The following CDAN1 variants were observed in gnomAD, a reference collection of about 807,000 sequenced individuals.
The protein encoded by CDAN1 is codanin-1.
Under a neutral mutation model 139.8 loss-of-function variants are expected in CDAN1, and 107 were observed. That is an observed-to-expected ratio of 0.77 (90% CI 0.65 to 0.90). The LOEUF (loss-of-function observed/expected upper bound fraction) is 0.90, where lower values mean the gene tolerates loss of function less well. Ranked by LOEUF, CDAN1 falls within the 40% of genes least tolerant of loss-of-function variation. The pLI is 0.00. For missense variants in CDAN1, 1,667 were observed against 1,575.7 expected (o/e 1.06, Z -0.98); for synonymous variants, 776 against 660.6 (o/e 1.17, Z -2.68).
At chr15:42,729,173 T>TCCCCCCCCCCC in intron 18 of CDAN1, 47 bp from the exon 19 acceptor site, 2 of 1,595,148 alleles carry the variant, frequency 1.3e-6, no homozygotes, top group Non-Finnish European at 1.7e-6. Flanking sequence ...AGCCTCCCTG[T>TCCCCCCCCCCC]CCCCGCCCCC....
chr15:42,735,971 G>A lies in CDAN1; in HGVS notation c.677C>T (p.Ser226Phe). Residue 226 changes from serine to phenylalanine, a missense_variant, in exon 3 of 28, where the codon TCC (serine) becomes TTC (phenylalanine). Physicochemically the swap from Ser to Phe is radical, Grantham distance 155 (BLOSUM62 -2). Coordinates refer to ENST00000356231, the MANE Select transcript of CDAN1 (RefSeq NM_138477.4). ...GCTAGTGTCCAGGGCTGAGGGTTGG[G>A]AACTGGGGACACAGCTGATTGGGGG... ...TSPPISCVPS[S>F]QPSALDTSPW... 4 of 1,614,196 alleles carry A rather than the reference G, an allele frequency of 2.5e-6. No individual in the cohort carries two copies. The highest frequency in any genetic ancestry group is 3.4e-6 in the Non-Finnish European group (4 of 1,180,014).
Position 42,737,080 on chromosome 15 carries a change from A to AC in CDAN1, c.22_23insG (p.Leu8ArgfsTer25). On this transcript the variant is annotated frameshift_variant, in exon 1 of 28. Transcript: ENST00000356231. LOFTEE classifies it high-confidence loss of function. Reference sequence around the variant, plus strand: ...TGCGACCGACACCTCTTCTCGCAGCAGCGACTCCAAAACGGCCGCCATCCC... The same window carrying AC: ...TGCGACCGACACCTCTTCTCGCAGCACGCGACTCCAAAACGGCCGCCATCCC... The AC allele has an allele frequency of 6.5e-7, 1 of 1,527,080 alleles. No homozygotes were observed. Among genetic ancestry groups the AC allele is most frequent in the Non-Finnish European group, 8.8e-7 (1 of 1,135,320 alleles). 94.6% of individuals were successfully genotyped at this position (1,527,080 alleles called of 1,614,324 possible). A position where few individuals can be genotyped will look rare whatever the true frequency, so the allele number is the denominator to read the frequency against.
chr15:42,733,013 C>CGGG, intron 9 of CDAN1, 84 bp downstream of exon 9: 2 of 1,079,734 alleles, frequency 1.9e-6, no homozygotes, highest in Non-Finnish European at 2.9e-6. Context: ...CGGGGAAAAC[C>CGGG]TTCCCTCCTC....
Position 42,730,345 on chromosome 15 carries a change from C to A in CDAN1, c.2175-130G>T, listed in dbSNP as rs954628693. 8.4e-6 allele frequency: 8 copies of A among 948,836 alleles called. No individual in the cohort carries two copies. In the East Asian group the frequency reaches 1.7e-4, roughly 20 times the overall value. The allele number at this position is 948,836 out of a possible 1,614,324, so 58.8% of individuals were successfully genotyped here. On this transcript the variant is annotated intron_variant, in intron 14 of 27. Transcript: ENST00000356231. ...CTGGGGCCATGTTGGCAAGCAGGAT[C>A]CCCCCAGCCCCGCCTCCTGCATGGG... is the stretch of plus-strand genomic sequence containing the variant.
At position 42,727,970 on chromosome 15, in the gene CDAN1, A is replaced by C; in HGVS notation, c.2932T>G (p.Ser978Ala). Residue 978 changes from serine (S) to alanine (A), a missense_variant, in exon 22 of 28, where the codon TCA becomes GCA. Ser to Ala is a moderately conservative substitution (Grantham distance 99). Transcript: ENST00000356231. ...AGGACCTTACCTGTGATGTTGGCTG[A>C]CAGCCAAGCACAGGCTTTCTCTGTT... is the stretch of plus-strand genomic sequence containing the variant. ...LATEKACAWLSANITALIRRE... is the reference protein window; with the variant it reads ...LATEKACAWLAANITALIRRE... The C allele has an allele frequency of 6.2e-7, 1 of 1,614,066 alleles. No homozygotes were observed. Among genetic ancestry groups the C allele is most frequent in the South Asian group, 1.1e-5 (1 of 91,080 alleles).
chr15:42,731,473 A>G, intron 11 of CDAN1, 142 bp from the exon 12 acceptor site: 1 of 1,404,960 alleles, frequency 7.1e-7, no homozygotes. Context: ...CGTGGGTGAC[A>G]GAATGAGAAG....
intron 25 of CDAN1, 64 bp from the exon 26 acceptor site, chr15:42,725,734 T>C: frequency 6.5e-7 from 1 of 1,542,584 alleles, no homozygotes. Context: ...GACTCACACC[T>C]ATAATCCCAA....
chr15:42,729,883 A>C lies in CDAN1; in HGVS notation c.2265T>G (p.Ile755Met). Residue 755 changes from isoleucine (I) to methionine (M), a missense_variant and splice_region_variant, in exon 16 of 28, where the codon ATT becomes ATG. Ile to Met is a conservative substitution (Grantham distance 10). Around this residue, in one of 3 missense-constraint regions of CDAN1, gnomAD observed 936 missense variants for 844.1 expected, o/e 1.11. Coordinates refer to ENST00000356231, the MANE Select transcript of CDAN1 (RefSeq NM_138477.4). Reference sequence around the variant, plus strand: ...AGAACAAGTCCTCAGGGACTGTGGGAATCTGGCAAGACAGTCACAATTCAG... The same window carrying C: ...AGAACAAGTCCTCAGGGACTGTGGGCATCTGGCAAGACAGTCACAATTCAG... Reference protein sequence around the residue: ...LLAVLGWLFQIPTVPEDLFFL... With the variant: ...LLAVLGWLFQMPTVPEDLFFL... 6.2e-7 allele frequency: 1 copy of C among 1,612,348 alleles called. No homozygotes were observed. The highest frequency in any genetic ancestry group is 8.5e-7 in the Non-Finnish European group (1 of 1,179,260).
intron 20 of CDAN1, 134 bp downstream of exon 20, chr15:42,728,518 T>C: frequency 4.5e-6 from 6 of 1,322,722 alleles, no homozygotes; most frequent in South Asian, 3.6e-5. Context: ...GCAGGGCTTA[T>C]AGAGAATGGG....
At position 42,727,683 on chromosome 15, in the gene CDAN1, C is replaced by T. The variant is rs1260799196; in HGVS notation, c.3034G>A (p.Gly1012Ser). ...TGGTGCTCACAGGCGCGGGAGCAGC[C>T]CCTCCGCTCCCCCCGGGCAGCAGGT... The part of the protein sequence containing the change: ...PEPAARGERR[G>S]CSRACEHHAP... The change falls in exon 23 of 28, where the codon GGC becomes AGC. Residue 1012 changes from glycine to serine, a missense_variant. Physicochemically the swap from Gly to Ser is moderately conservative, Grantham distance 56 (BLOSUM62 0). Transcript: ENST00000356231. The T allele has an allele frequency of 1.3e-6, 2 of 1,586,082 alleles. No homozygotes were observed. Among genetic ancestry groups the T allele is most frequent in the Non-Finnish European group, 1.7e-6 (2 of 1,162,722 alleles).
At chr15:42,724,675 C>A in intron 27 of CDAN1, 59 bp from the exon 28 acceptor site, 1 of 1,541,122 alleles carries the variant, frequency 6.5e-7, no homozygotes, top group South Asian at 1.2e-5. Context: ...AATGGCTCAT[C>A]CTTTGTCACT....
intron 6 of CDAN1, among the ~76,000 whole-genome samples, chr15:42,734,779 C>CTTT (rs11434933): frequency 6.7e-4 from 74 of 110,486 alleles, no homozygotes; most frequent in African/African-American, 1.8e-3. Context: ...CACACCCGGC[C>CTTT]TTTTTTTTTT....
In CDAN1 at chr15:42,730,200, C is replaced by T. The variant is rs537648780; in HGVS notation, c.2190G>A (p.Ser730=). The part of the protein sequence containing the change: ...LLRLHRSLVL[S]QESEGKMCFL... ...AACACATCTTCCCCTCACTCTCCTG[C>T]GACAACACCAAGCTCCTGAAACATC... is the stretch of plus-strand genomic sequence containing the variant. Residue 730 remains serine, a synonymous_variant, in exon 15 of 28, where the codon TCG becomes TCA. Transcript: ENST00000356231. The T allele has an allele frequency of 9.3e-6, 15 of 1,614,116 alleles. No individual in the cohort carries two copies. Among genetic ancestry groups the T allele is most frequent in the East Asian group, 2.2e-5 (1 of 44,886 alleles).
At chr15:42,733,003 CG>C in intron 9 of CDAN1, 93 bp downstream of exon 9, 1 of 953,832 alleles carries the variant, frequency 1.0e-6, no homozygotes, top group Non-Finnish European at 1.6e-6. Flanking sequence ...CTGGTAGGAG[CG>C]GGGAAAACCT....
At chr15:42,730,031 G>T in intron 15 of CDAN1, 97 bp downstream of exon 15, 1 of 1,339,232 alleles carries the variant, frequency 7.5e-7, no homozygotes, top group Non-Finnish European at 1.1e-6. Context: ...CTGAACCTTC[G>T]TCTTCCAGCC....
rs2061657195 is a variant in CDAN1 at position 42,734,259 on chromosome 15, G to A, written c.1224C>T (p.Arg408=). Residue 408 remains arginine (R), a synonymous_variant, in exon 7 of 28, where the codon CGC becomes CGT. Transcript: ENST00000356231. ...CACTGCCCTCATAGGCAGCTCGAAG[G>A]CGGCCTTGCAGAGCTGGTGAGAAGC... ...LLCFSPALQG[R]LRAAYEGSVA... is the part of the protein sequence containing the mutation. The A allele has an allele frequency of 1.2e-6, 2 of 1,613,972 alleles. No individual in the cohort carries two copies. Among genetic ancestry groups the A allele is most frequent in the Non-Finnish European group, 1.7e-6 (2 of 1,180,044 alleles).
chr15:42,733,901 T>A, intron 8 of CDAN1, 37 bp downstream of exon 8: 1 of 1,450,734 alleles, frequency 6.9e-7, no homozygotes, highest in East Asian at 2.3e-5. Context: ...AAAAATGTCA[T>A]CTCATTCCCT....
At chr15:42,728,569 G>C in intron 20 of CDAN1, 83 bp downstream of exon 20, 1 of 1,568,324 alleles carries the variant, frequency 6.4e-7, no homozygotes, top group Non-Finnish European at 8.8e-7. Flanking sequence ...AGAAGAAAGG[G>C]AAAAAAGAGT....
intron 25 of CDAN1, 45 bp downstream of exon 25, chr15:42,726,052 T>A (rs750362336): frequency 1.3e-6 from 2 of 1,542,358 alleles, no homozygotes; most frequent in Admixed American, 1.7e-5. Flanking sequence ...ACCCTGAGAT[T>A]TGGGGGATCA....
Sources: gnomAD v4.1 joint callset for allele counts (sites outside exome capture counted in the v4.1 genomes callset) on GRCh38, gnomAD v4.1.1 for gene constraint, gnomAD v4.1.1 regional missense constraint, MANE v1.5 for transcripts, NCBI Gene and HGNC (gene_info 2026-07-23, HGNC 2026-07-21) for gene names.